Variants in SORCS2 observed in about 807,000 individuals in gnomAD.
The protein encoded by SORCS2 is sortilin related VPS10 domain containing receptor 2.
Under a neutral mutation model 141.6 loss-of-function variants are expected in SORCS2, and 100 were observed. The observed-to-expected ratio is 0.71, with a 90% CI of 0.60 to 0.83. The LOEUF (loss-of-function observed/expected upper bound fraction) is 0.83, where lower values mean the gene tolerates loss of function less well. Among genes scored for constraint, SORCS2 ranks in the 40% least tolerant of loss-of-function variants. SORCS2 has a pLI of 0.00. For synonymous variants in SORCS2, 789 were observed against 676.9 expected, an observed-to-expected ratio of 1.17 and a Z score of -2.57; for missense variants, 1,646 against 1,560.2, an observed-to-expected ratio of 1.05 and a Z score of -0.93.
At chr4:7,446,830 C>G (rs4524383) in intron 2 of SORCS2, among the ~76,000 whole-genome samples, 42,827 of 152,192 alleles carry the variant, frequency 0.28, 6,158 homozygotes, top group South Asian at 0.39. Context: ...GACCTGTGTC[C>G]TTCCTGGAGA....
intron 7 of SORCS2, among the ~76,000 whole-genome samples, chr4:7,665,082 C>A (rs1267860321): frequency 6.6e-6 from 1 of 152,320 alleles, no homozygotes; most frequent in East Asian, 1.9e-4. Flanking sequence ...GACTCCCATC[C>A]ACTGGGTTCT....
rs370018939 is a variant in SORCS2, at chr4:7,726,771, C to T, written c.2746-9C>T. On this transcript the variant is annotated splice_polypyrimidine_tract_variant and intron_variant, in intron 20 of 26. Coordinates refer to ENST00000507866, the MANE Select transcript of SORCS2 (RefSeq NM_020777.3). ...GGCCAGGCCCCTAAGCCCTGCTGTG[C>T]CCCTGCAGCCCCTCCTTTCCCTGGA... The T allele has an allele frequency of 9.3e-6, 15 of 1,612,424 alleles. No homozygotes were observed. The African/African-American group carries it at 1.9e-4, about 20-fold the overall frequency.
At position 7,664,359 on chromosome 4, in the gene SORCS2, G is replaced by A. The variant is rs758478415; in HGVS notation, c.959G>A (p.Arg320Gln). ...CGGCGCCTCTCTCCTGTAGATTTTC[G>A]GTACGTCACCTGCGCAATCCACAAT... ...VEAQDLGGDFRYVTCAIHNCS... is the reference protein window; with the variant it reads ...VEAQDLGGDFQYVTCAIHNCS... The change falls in exon 7 of 27, where the codon CGG becomes CAG. Residue 320 changes from arginine to glutamine, a missense_variant. Transcript: ENST00000507866. This position sits in a 1 kb window ranked among gnomAD's most constrained non-coding sequence, Gnocchi z 4.7. 3.8e-5 allele frequency: 61 copies of A among 1,613,016 alleles called. No homozygotes were observed. The Admixed American group carries it at 7.3e-4, about 19-fold the overall frequency.
At chr4:7,526,695 C>T (rs920117581) in intron 2 of SORCS2, among the ~76,000 whole-genome samples, 4 of 152,166 alleles carry the variant, frequency 2.6e-5, no homozygotes, top group Non-Finnish European at 4.4e-5. Flanking sequence ...TCAGGGCGGC[C>T]TCCCTCACTG....
chr4:7,638,299 C>G (rs377200513), intron 3 of SORCS2, 29 bp from the exon 4 acceptor site: 6 of 1,494,970 alleles, frequency 4.0e-6, no homozygotes, highest in Non-Finnish European at 5.3e-6. Context: ...GCACCTGGCC[C>G]AGGCCTCACA....
intron 4 of SORCS2, among the ~76,000 whole-genome samples, chr4:7,645,427 A>T (rs895700703): frequency 6.6e-6 from 1 of 152,136 alleles, no homozygotes; most frequent in African/African-American, 2.4e-5. Flanking sequence ...CAAGAGGGAA[A>T]ATTGCCAGCT....
intron 2 of SORCS2, among the ~76,000 whole-genome samples, chr4:7,465,344 C>T (rs762284243): frequency 5.9e-5 from 9 of 152,164 alleles, no homozygotes; most frequent in Non-Finnish European, 8.8e-5. Context: ...ACACATCTTG[C>T]GAGTTTCTTT....
chr4:7,567,127 T>C (rs538520035), intron 3 of SORCS2, among the ~76,000 whole-genome samples: 1 of 152,370 alleles, frequency 6.6e-6, no homozygotes, highest in Non-Finnish European at 1.5e-5. Context: ...GTTTTAGGTT[T>C]ACAGAAAACC....
intron 2 of SORCS2, among the ~76,000 whole-genome samples, chr4:7,453,299 G>A (rs1403222903): frequency 2.1e-5 from 3 of 139,804 alleles, no homozygotes; most frequent in African/African-American, 8.3e-5. Context: ...TGTGTGTTGG[G>A]GTCAGGTGCT....
chr4:7,234,911 C>T (rs536761054), intron 1 of SORCS2, among the ~76,000 whole-genome samples: 19 of 152,354 alleles, frequency 1.2e-4, no homozygotes, highest in Middle Eastern at 3.4e-3. Context: ...GCCAGGAGGC[C>T]GGGGAAGGCC....
intron 2 of SORCS2, among the ~76,000 whole-genome samples, chr4:7,467,037 G>A (rs1162356477): frequency 6.6e-6 from 1 of 152,168 alleles, no homozygotes; most frequent in Admixed American, 6.5e-5. Flanking sequence ...GAGGCAGAGT[G>A]TTTGGAGGGA....
chr4:7,418,756 C>G (rs58579498), intron 2 of SORCS2, among the ~76,000 whole-genome samples: 10,425 of 145,884 alleles, frequency 0.071, 537 homozygotes, highest in African/African-American at 0.15. Context: ...ATTGAGCTTA[C>G]GATTCTGTGA....
At chr4:7,316,297 A>G (rs1485828176) in intron 1 of SORCS2, among the ~76,000 whole-genome samples, 4 of 152,130 alleles carry the variant, frequency 2.6e-5, no homozygotes, top group African/African-American at 9.7e-5. Flanking sequence ...TATCCATCCA[A>G]ACAAACAAAA....
At chr4:7,519,790 C>T (rs1733207934) in intron 2 of SORCS2, among the ~76,000 whole-genome samples, 1 of 152,214 alleles carries the variant, frequency 6.6e-6, no homozygotes, top group South Asian at 2.1e-4. Context: ...CCTGCAGCTC[C>T]TTGGCCCGGC....
chr4:7,562,476 G>A (rs1003836625), intron 3 of SORCS2, among the ~76,000 whole-genome samples: 5 of 152,170 alleles, frequency 3.3e-5, no homozygotes, highest in African/African-American at 1.2e-4. Context: ...CTCAAGAACA[G>A]GGGTTGGCAA....
chr4:7,302,287 C>G (rs1194832648), intron 1 of SORCS2, among the ~76,000 whole-genome samples: 1 of 152,226 alleles, frequency 6.6e-6, no homozygotes, highest in Non-Finnish European at 1.5e-5. Context: ...AAGTAGCTTG[C>G]ACGTTGCTGG....
At chr4:7,441,635 G>T (rs1727672330) in intron 2 of SORCS2, among the ~76,000 whole-genome samples, 1 of 151,650 alleles carries the variant, frequency 6.6e-6, no homozygotes, top group African/African-American at 2.4e-5. Flanking sequence ...CTCCAGCCCA[G>T]ATCACCATCT....
At chr4:7,318,349 T>C (rs6846306) in intron 1 of SORCS2, among the ~76,000 whole-genome samples, 89,630 of 152,016 alleles carry the variant, frequency 0.59, 26,495 homozygotes, top group South Asian at 0.72. Context: ...GGTGTGCCAC[T>C]CCTTGCAAGG....
At chr4:7,240,398 G>A (rs913798701) in intron 1 of SORCS2, among the ~76,000 whole-genome samples, 23 of 152,182 alleles carry the variant, frequency 1.5e-4, no homozygotes, top group African/African-American at 4.3e-4. Context: ...TGTTTGATAC[G>A]TAACGCGGGG....
Sources: gnomAD v4.1 joint callset for allele counts (sites outside exome capture counted in the v4.1 genomes callset) on GRCh38, gnomAD v4.1.1 for gene constraint, Gnocchi (gnomAD v3.1) non-coding constraint, MANE v1.5 for transcripts, NCBI Gene and HGNC (gene_info 2026-07-23, HGNC 2026-07-21) for gene names.